The following ELFN1 variants were observed in gnomAD, a reference collection of about 807,000 sequenced individuals.
ELFN1 encodes the protein protein ELFN1.
In ELFN1, 6 loss-of-function variants were observed where a neutral mutation model predicts 7.6. The ratio of observed to expected loss-of-function variants is 0.79; its 90% CI spans 0.43 to 1.56. The LOEUF (loss-of-function observed/expected upper bound fraction) is 1.56. Ranked by LOEUF, ELFN1 falls within the 40% of genes most tolerant of loss-of-function variation. The pLI, the probability that ELFN1 is intolerant of heterozygous loss-of-function variation, is 0.01. For synonymous variants in ELFN1, 657 were observed against 588.1 expected, an observed-to-expected ratio of 1.12 and a Z score of -1.70; for missense variants, 1,169 against 1,232.2, an observed-to-expected ratio of 0.95 and a Z score of 0.77.
In ELFN1 at chr7:1,747,014, C is replaced by T. The variant is rs748011357; in HGVS notation, c.2418C>T (p.Phe806=). 1.7e-5 allele frequency: 26 copies of T among 1,563,196 alleles called. No individual in the cohort carries two copies. Among genetic ancestry groups the T allele is most frequent in the South Asian group, 1.6e-4 (13 of 83,842 alleles). The change falls in exon 4 of 4, where the codon TTC becomes TTT. Residue 806 remains phenylalanine (F), a synonymous_variant. Coordinates refer to ENST00000424383, the MANE Select transcript of ELFN1 (RefSeq NM_001128636.4). ...ATGCCCTGCGCAAGAAGGTTCAGTTCGCCAAAGACGAGGATCTGCACGACA... is the reference window on the plus strand; with the variant it reads ...ATGCCCTGCGCAAGAAGGTTCAGTTTGCCAAAGACGAGGATCTGCACGACA... ...AGHALRKKVQ[F]AKDEDLHDIL...
chr7:1,744,543 C>A lies in ELFN1; in HGVS notation c.-54C>A. The A allele has an allele frequency of 6.9e-7, 1 of 1,439,044 alleles. No homozygotes were observed. Among genetic ancestry groups the A allele is most frequent in the Non-Finnish European group, 9.1e-7 (1 of 1,102,140 alleles). 89.1% of individuals were successfully genotyped at this position (1,439,044 alleles called of 1,614,324 possible). A position where few individuals can be genotyped will look rare whatever the true frequency, so the allele number is the denominator to read the frequency against. ...CCCTCTGGGGGCTGGCGCCTGGCCC[C>A]CCACCTGGTCCCCCTGGGCAGGCTG... On this transcript the variant is annotated 5_prime_UTR_variant, in exon 4 of 4. Transcript: ENST00000424383.
intron 1 of ELFN1, among the ~76,000 whole-genome samples, chr7:1,672,620 G>C (rs1241263942): frequency 6.6e-6 from 1 of 152,162 alleles, no homozygotes; most frequent in Non-Finnish European, 1.5e-5. Context: ...TTCTCTATCT[G>C]TTTCCAACAC....
At chr7:1,721,695 G>T (rs918955010) in intron 3 of ELFN1, among the ~76,000 whole-genome samples, 1 of 152,178 alleles carries the variant, frequency 6.6e-6, no homozygotes, top group Non-Finnish European at 1.5e-5. Flanking sequence ...GGCCTGTCAG[G>T]GTCGAGGAGG....
chr7:1,697,162 C>T (rs1211427707), intron 2 of ELFN1, among the ~76,000 whole-genome samples: 4 of 152,210 alleles, frequency 2.6e-5, no homozygotes, highest in African/African-American at 9.7e-5. Context: ...CAACTTGTGC[C>T]TCCCCAGGCA....
At chr7:1,711,050 C>G (rs1031708562) in intron 3 of ELFN1, among the ~76,000 whole-genome samples, 2 of 152,220 alleles carry the variant, frequency 1.3e-5, no homozygotes, top group African/African-American at 2.4e-5. Context: ...AGCAGGGACT[C>G]AAATGCCAGC....
At chr7:1,694,621 C>G (rs183257288) in intron 2 of ELFN1, among the ~76,000 whole-genome samples, 1 of 152,232 alleles carries the variant, frequency 6.6e-6, no homozygotes, top group Non-Finnish European at 1.5e-5. Context: ...GAAACCATCT[C>G]CTTGAAGGAG....
intron 2 of ELFN1, among the ~76,000 whole-genome samples, chr7:1,703,817 T>A (rs1012098330): frequency 6.6e-6 from 1 of 152,182 alleles, no homozygotes; most frequent in Non-Finnish European, 1.5e-5. Context: ...CAGTGTAACC[T>A]TGGGGAGGTC....
chr7:1,746,393 G>A lies in ELFN1; in HGVS notation c.1797G>A (p.Val599=), dbSNP rs1212774961. The A allele has an allele frequency of 6.5e-7, 1 of 1,536,220 alleles. No homozygotes were observed. The highest frequency in any genetic ancestry group is 8.8e-7 in the Non-Finnish European group (1 of 1,142,568). ...TGTCCGTCGCGGAGCCGCCGCTGGTGCTGCTGTCCGAGCCGCTGGCCGCCA... is the reference window on the plus strand; with the variant it reads ...TGTCCGTCGCGGAGCCGCCGCTGGTACTGCTGTCCGAGCCGCTGGCCGCCA... The part of the protein sequence containing the change: ...GPVSVAEPPL[V]LLSEPLAAKH... Residue 599 remains valine (V), a synonymous_variant, in exon 4 of 4, where the codon GTG becomes GTA. Transcript: ENST00000424383.
At chr7:1,667,957 G>C (rs1330903029), upstream of ELFN1, among the ~76,000 whole-genome samples, 3 of 126,768 alleles carry the variant, frequency 2.4e-5, no homozygotes, top group South Asian at 8.3e-4. This position sits in a 1 kb window ranked among gnomAD's most constrained non-coding sequence, Gnocchi z 8.2. Flanking sequence ...CGCAGCCTCC[G>C]CTCGGGGTGG....
At chr7:1,676,962 G>A (rs1476277586) in intron 1 of ELFN1, among the ~76,000 whole-genome samples, 1 of 152,154 alleles carries the variant, frequency 6.6e-6, no homozygotes, top group Admixed American at 6.5e-5. Context: ...GGGCACACGA[G>A]GGAATGAGCC....
intron 3 of ELFN1, among the ~76,000 whole-genome samples, chr7:1,730,294 C>T (rs1258098644): frequency 6.6e-6 from 1 of 152,196 alleles, no homozygotes; most frequent in African/African-American, 2.4e-5. Context: ...CCTACAGAGC[C>T]AGGGGCTTCC....
At chr7:1,733,920 T>C (rs1780376733) in intron 3 of ELFN1, among the ~76,000 whole-genome samples, 1 of 152,128 alleles carries the variant, frequency 6.6e-6, no homozygotes, top group Admixed American at 6.5e-5. Flanking sequence ...GAGGTCCTGT[T>C]CTACCACTAG....
chr7:1,677,026 C>T (rs984044500), intron 1 of ELFN1, among the ~76,000 whole-genome samples: 8 of 152,216 alleles, frequency 5.3e-5, no homozygotes, highest in Admixed American at 1.3e-4. Flanking sequence ...TACTGGGTGC[C>T]GACGCTGGCA....
Position 1,747,313 on chromosome 7 carries a change from C to CATAG in ELFN1, c.*231_*232insTAGA. The CATAG allele has an allele frequency of 3.6e-6, 1 of 279,826 alleles. No individual in the cohort carries two copies. Among genetic ancestry groups the CATAG allele is most frequent in the Non-Finnish European group, 6.6e-6 (1 of 151,558 alleles). The allele number at this position is 279,826 out of a possible 1,614,324, so 17.3% of individuals were successfully genotyped here. A position where few individuals can be genotyped will look rare whatever the true frequency, so the allele number is the denominator to read the frequency against. On this transcript the variant is annotated 3_prime_UTR_variant, in exon 4 of 4. Coordinates refer to ENST00000424383, the MANE Select transcript of ELFN1 (RefSeq NM_001128636.4). ...CGGGTGGCACGTGTCCACACACACACACACACACACACACACACACACGAG... is the reference window on the plus strand; with the variant it reads ...CGGGTGGCACGTGTCCACACACACACATAGACACACACACACACACACACACGAG...
intron 2 of ELFN1, chr7:1,693,667 A>G (rs971350478): frequency 6.4e-6 from 3 of 471,036 alleles, no homozygotes; most frequent in African/African-American, 6.0e-5. Flanking sequence ...GCACAGACAC[A>G]TGCGTGCATG....
At position 1,745,452 on chromosome 7, in the gene ELFN1, G is replaced by A; in HGVS notation, c.856G>A (p.Asp286Asn). The change falls in exon 4 of 4, where the codon GAC becomes AAC. Residue 286 changes from aspartate (D) to asparagine (N), a missense_variant. Asp to Asn is a conservative substitution (Grantham distance 23). Coordinates refer to ENST00000424383, the MANE Select transcript of ELFN1 (RefSeq NM_001128636.4). ...GCCCCCGCCTCCGCCGGAGCCCAGT[G>A]ACATGCCCTGTGCCGATGATGAGTG... Reference protein sequence around the residue: ...PPPPPPPEPSDMPCADDECFS... With the variant: ...PPPPPPPEPSNMPCADDECFS... The A allele has an allele frequency of 1.3e-6, 2 of 1,540,834 alleles. No individual in the cohort carries two copies. Among genetic ancestry groups the A allele is most frequent in the Non-Finnish European group, 1.7e-6 (2 of 1,146,590 alleles).
At chr7:1,699,549 G>A (rs985475440) in intron 2 of ELFN1, among the ~76,000 whole-genome samples, 1 of 152,154 alleles carries the variant, frequency 6.6e-6, no homozygotes, top group Non-Finnish European at 1.5e-5. Context: ...GCTGAGGTGG[G>A]AGGATCACCT....
chr7:1,693,462 C>T (rs1241814611), intron 2 of ELFN1: 1 of 471,190 alleles, frequency 2.1e-6, no homozygotes, highest in South Asian at 1.5e-5. Flanking sequence ...GCCTGGTGCA[C>T]CCAGACAGGT....
chr7:1,715,805 C>G lies in ELFN1; in HGVS notation c.-294+6553C>G, dbSNP rs186252572. On this transcript the variant is annotated intron_variant, in intron 3 of 3. Transcript: ENST00000424383. ...CAGGACCTGGAGATTCCCTCCTCCC[C>G]CTGGGTCAGGGCTCCTGAAGGCTGC... Among the ~76,000 whole-genome samples the G allele has an allele frequency of 4.9e-4, 75 of 152,308 alleles. 2 individuals are homozygous for G. In the East Asian group the frequency reaches 0.013, roughly 27 times the overall value.
Sources: allele counts gnomAD v4.1 joint callset (sites outside exome capture counted in the v4.1 genomes callset), GRCh38; gene constraint gnomAD v4.1.1; non-coding constraint Gnocchi (gnomAD v3.1); transcripts MANE v1.5; gene names NCBI Gene and HGNC (gene_info 2026-07-23, HGNC 2026-07-21).